Variants in GRIA3 observed in about 807,000 individuals in gnomAD.
GRIA3 encodes the protein glutamate receptor 3.
In GRIA3, 3 loss-of-function variants were observed where a neutral mutation model predicts 63.0. The ratio of observed to expected loss-of-function variants is 0.05; its 90% CI spans 0.02 to 0.12. The LOEUF is 0.12. GRIA3 is among the 10% of genes least tolerant of loss of function. The pLI is 1.00. For synonymous variants in GRIA3, 274 were observed against 257.9 expected, an observed-to-expected ratio of 1.06 and a Z score of -0.60; for missense variants, 347 against 700.9, an observed-to-expected ratio of 0.50 and a Z score of 5.70.
chrX:123,381,893 C>A (rs1280403516), intron 5 of GRIA3, among the ~76,000 whole-genome samples: 1 of 112,397 alleles, frequency 8.9e-6, no homozygotes, highest in Non-Finnish European at 1.9e-5. Flanking sequence ...CATTTCCCTT[C>A]TCTTTTCCTC....
intron 12 of GRIA3, among the ~76,000 whole-genome samples, chrX:123,463,186 TA>T (rs920992731): frequency 2.7e-5 from 3 of 109,714 alleles, no homozygotes; most frequent in African/African-American, 6.6e-5. Flanking sequence ...TGCTTCTCAA[TA>T]AAAAAAAATT....
At chrX:123,211,228 C>T (rs1366402030) in intron 2 of GRIA3, among the ~76,000 whole-genome samples, 1 of 111,387 alleles carries the variant, frequency 9.0e-6, no homozygotes, top group Non-Finnish European at 1.9e-5. Flanking sequence ...TTTTCCTTCA[C>T]CCATATTTTA....
chrX:123,241,168 C>T lies in GRIA3; in HGVS notation c.269-12135C>T, dbSNP rs143194166. Among the ~76,000 whole-genome samples, 796 of 111,772 alleles carry T rather than the reference C, an allele frequency of 7.1e-3. 10 individuals carry two copies. Among genetic ancestry groups the T allele is most frequent in the African/African-American group, 0.025 (760 of 30,693 alleles). On this transcript the variant is annotated intron_variant, in intron 2 of 15. Transcript: ENST00000620443. ...ATTTTTGTCAATAACTTGGATTATA[C>T]TACCCGAAGCAGACTGACCAAATTG...
chrX:123,469,944 G>T (rs1380518839), intron 13 of GRIA3, among the ~76,000 whole-genome samples: 2 of 111,977 alleles, frequency 1.8e-5, no homozygotes, highest in Non-Finnish European at 1.9e-5. Flanking sequence ...TACAAGATAG[G>T]GTAGGGTCAG....
At chrX:123,272,758 A>G (rs1164832173) in intron 3 of GRIA3, among the ~76,000 whole-genome samples, 1 of 111,908 alleles carries the variant, frequency 8.9e-6, no homozygotes, top group Admixed American at 9.5e-5. Context: ...TAAAAATTAC[A>G]CACCCGTTCT....
chrX:123,465,829 G>C (rs758336297), intron 13 of GRIA3: 1 of 903,042 alleles, frequency 1.1e-6, no homozygotes. Flanking sequence ...CCTTAGTGAC[G>C]AGTAATCGGC....
rs150653159 is a variant in GRIA3 at position 123,377,995 on chromosome X, C to T, written c.751-16973C>T. Among the ~76,000 whole-genome samples, 895 of 112,092 alleles carry T rather than the reference C, an allele frequency of 8.0e-3. 21 individuals are homozygous for T. Among genetic ancestry groups the T allele is most frequent in the Admixed American group, 0.07 (741 of 10,531 alleles). Reference sequence around the variant, plus strand: ...ACCTCCTGTCCTCTATCGAGATCCTCAATCCTAAAATAACTGTGATCCTCA... The same window carrying T: ...ACCTCCTGTCCTCTATCGAGATCCTTAATCCTAAAATAACTGTGATCCTCA... On this transcript the variant is annotated intron_variant, in intron 5 of 15. Transcript: ENST00000620443.
chrX:123,315,537 T>C (rs899290490), intron 3 of GRIA3, among the ~76,000 whole-genome samples: 60 of 112,591 alleles, frequency 5.3e-4, no homozygotes, highest in Non-Finnish European at 7.5e-5. Context: ...GAATTATTTT[T>C]AAATGAAAGT....
At chrX:123,335,916 A>G (rs752966651) in intron 4 of GRIA3, among the ~76,000 whole-genome samples, 2 of 111,978 alleles carry the variant, frequency 1.8e-5, no homozygotes, top group Non-Finnish European at 3.8e-5. Context: ...CTAGCTTGTA[A>G]ACATTAATGA....
At chrX:123,250,822 C>A (rs891127852) in intron 2 of GRIA3, among the ~76,000 whole-genome samples, 5 of 112,013 alleles carry the variant, frequency 4.5e-5, no homozygotes, top group African/African-American at 1.3e-4. Flanking sequence ...GAATTTGAGG[C>A]ATACTTATAC....
intron 12 of GRIA3, among the ~76,000 whole-genome samples, chrX:123,445,185 A>T (rs772583048): frequency 8.9e-6 from 1 of 112,089 alleles, no homozygotes; most frequent in Admixed American, 9.4e-5. Flanking sequence ...TGGATATCTG[A>T]TGGATATTTA....
intron 4 of GRIA3, among the ~76,000 whole-genome samples, chrX:123,354,521 A>C (rs192453947): frequency 2.5e-3 from 274 of 111,618 alleles, no homozygotes; most frequent in African/African-American, 7.4e-3. Flanking sequence ...AAAACAACAA[A>C]AAAAAAATAC....
At chrX:123,470,862 T>A (rs2147438365) in intron 13 of GRIA3, among the ~76,000 whole-genome samples, 1 of 112,283 alleles carries the variant, frequency 8.9e-6, no homozygotes, top group African/African-American at 3.2e-5. Flanking sequence ...GACCTTTTAT[T>A]GGCAGGAGCC....
At chrX:123,458,195 T>A in intron 12 of GRIA3, among the ~76,000 whole-genome samples, 1 of 107,186 alleles carries the variant, frequency 9.3e-6, no homozygotes, top group East Asian at 2.9e-4. Flanking sequence ...ATAGTGAGAG[T>A]TTACTGTGTG....
chrX:123,489,077 T>G lies in GRIA3; in HGVS notation c.*367T>G, dbSNP rs982830824. The G allele has an allele frequency of 2.7e-5, 2 of 73,354 alleles. No homozygotes were observed. The highest frequency in any genetic ancestry group is 5.4e-5 in the Non-Finnish European group (2 of 37,271). 6.0% of individuals were successfully genotyped at this position (73,354 alleles called of 1,213,427 possible). A position where few individuals can be genotyped will look rare whatever the true frequency, so the allele number is the denominator to read the frequency against. On this transcript the variant is annotated 3_prime_UTR_variant, in exon 16 of 16. Transcript: ENST00000620443. ...TGCAGAGTATATAAACACCATGTTC[T>G]TTAATACACACACACACACACACAC...
At chrX:123,311,402 T>G (rs975454555) in intron 3 of GRIA3, among the ~76,000 whole-genome samples, 7 of 111,836 alleles carry the variant, frequency 6.3e-5, no homozygotes, top group Non-Finnish European at 1.3e-4. Context: ...AACTTCAGAA[T>G]AGCTGGTACT....
At chrX:123,369,519 G>A (rs1365995480) in intron 5 of GRIA3, among the ~76,000 whole-genome samples, 2 of 111,967 alleles carry the variant, frequency 1.8e-5, no homozygotes, top group East Asian at 2.8e-4. Flanking sequence ...GATAGGGAGC[G>A]TCTGGCCTCA....
rs138988459 is a variant in GRIA3 at position 123,188,082 on chromosome X, T to C, written c.268+2092T>C. 6.2e-5 allele frequency among the ~76,000 whole-genome samples: 7 copies of C among 112,023 alleles called. No individual in the cohort carries two copies. The East Asian group carries it at 2.0e-3, about 31-fold the overall frequency. On this transcript the variant is annotated intron_variant, in intron 2 of 15. Transcript: ENST00000620443. Reference sequence around the variant, plus strand: ...CAACAAGAAAAAGAAAATGAAAACGTGACCTTGCCCTTAGTTATGTCAAAT... The same window carrying C: ...CAACAAGAAAAAGAAAATGAAAACGCGACCTTGCCCTTAGTTATGTCAAAT...
chrX:123,459,271 T>G (rs2045780069), intron 12 of GRIA3, among the ~76,000 whole-genome samples: 1 of 111,718 alleles, frequency 9.0e-6, no homozygotes, highest in Non-Finnish European at 1.9e-5. Flanking sequence ...ACTTTGAACT[T>G]ACATAAAGAA....
Sources: gnomAD v4.1 joint callset for allele counts (sites outside exome capture counted in the v4.1 genomes callset) on GRCh38, gnomAD v4.1.1 for gene constraint, MANE v1.5 for transcripts, NCBI Gene and HGNC (gene_info 2026-07-23, HGNC 2026-07-21) for gene names.